TMEM178B: variants seen among roughly 807,000 people sequenced by gnomAD.
The protein encoded by TMEM178B is transmembrane protein 178B.
Under a neutral mutation model 31.0 loss-of-function variants are expected in TMEM178B, and 5 were observed. That is an observed-to-expected ratio of 0.16 (90% CI 0.08 to 0.34). TMEM178B has a LOEUF of 0.34. TMEM178B is among the 10% of genes least tolerant of loss of function. The pLI is 1.00. For missense variants in TMEM178B, 275 were observed against 400.3 expected, an observed-to-expected ratio of 0.69 and a Z score of 2.67; for synonymous variants, 164 against 164.0, an observed-to-expected ratio of 1.00 and a Z score of 0.00.
intron 1 of TMEM178B, among the ~76,000 whole-genome samples, chr7:141,125,628 C>A (rs1795479653): frequency 7.1e-6 from 1 of 141,354 alleles, no homozygotes. Flanking sequence ...TGCAGTGAGC[C>A]AAGATCATGC....
At chr7:141,097,089 CAAAA>C (rs113276063) in intron 1 of TMEM178B, among the ~76,000 whole-genome samples, 1 of 129,582 alleles carries the variant, frequency 7.7e-6, no homozygotes. Flanking sequence ...GAAGTTGTCT[CAAAA>C]AAAAAAAAAA....
intron 2 of TMEM178B, among the ~76,000 whole-genome samples, chr7:141,346,476 A>G (rs1799622298): frequency 6.6e-6 from 1 of 152,198 alleles, no homozygotes; most frequent in Admixed American, 6.5e-5. Flanking sequence ...ACCTACCTTC[A>G]GGGCTTGACT....
chr7:141,177,561 A>G (rs1182391310), intron 1 of TMEM178B, among the ~76,000 whole-genome samples: 1 of 152,064 alleles, frequency 6.6e-6, no homozygotes, highest in Non-Finnish European at 1.5e-5. Flanking sequence ...GTCTCCTACT[A>G]TTATTGTGTG....
chr7:141,296,333 G>A (rs1798633482), intron 2 of TMEM178B, among the ~76,000 whole-genome samples: 1 of 152,176 alleles, frequency 6.6e-6, no homozygotes, highest in Non-Finnish European at 1.5e-5. Flanking sequence ...CTCCCAAAGT[G>A]CTGGGATTAC....
intron 2 of TMEM178B, among the ~76,000 whole-genome samples, chr7:141,360,615 A>G (rs1163995500): frequency 6.6e-6 from 1 of 152,250 alleles, no homozygotes; most frequent in Admixed American, 6.5e-5. Context: ...CCAGCAGCCT[A>G]ATGTTTCTTT....
intron 1 of TMEM178B, among the ~76,000 whole-genome samples, chr7:141,129,397 A>T (rs1563095265): frequency 6.6e-6 from 1 of 152,204 alleles, no homozygotes; most frequent in Admixed American, 6.5e-5. Context: ...GGTATAAGCT[A>T]CATACAATAA....
intron 2 of TMEM178B, among the ~76,000 whole-genome samples, chr7:141,299,389 G>A (rs1472273966): frequency 3.3e-5 from 5 of 152,114 alleles, no homozygotes; most frequent in East Asian, 1.9e-4. Context: ...CATTAATGAC[G>A]GTAGTCTTTT....
Position 141,258,464 on chromosome 7 carries a change from A to G in TMEM178B, c.496+45760A>G, listed in dbSNP as rs144783464. The stretch of plus-strand genomic sequence containing the variant: ...GCTGCAGGTTGGACAAGCTTGGTTT[A>G]AATAATAAATCTTATGCCTTTTAAA... On this transcript the variant is annotated intron_variant, in intron 2 of 3. Coordinates refer to ENST00000565468, the MANE Select transcript of TMEM178B (RefSeq NM_001195278.2). Among the ~76,000 whole-genome samples, 979 of 151,566 alleles carry G rather than the reference A, an allele frequency of 6.5e-3. 3 individuals carry two copies. Among genetic ancestry groups the G allele is most frequent in the Non-Finnish European group, 9.4e-3 (634 of 67,728 alleles).
intron 1 of TMEM178B, among the ~76,000 whole-genome samples, chr7:141,176,372 G>A (rs561339820): frequency 1.2e-4 from 19 of 152,204 alleles, no homozygotes; most frequent in Non-Finnish European, 2.4e-4. Flanking sequence ...GTATTTTATT[G>A]AGGATTTTCA....
chr7:141,408,584 T>TC (rs1201195372), intron 2 of TMEM178B, among the ~76,000 whole-genome samples: 1 of 152,152 alleles, frequency 6.6e-6, no homozygotes, highest in East Asian at 1.9e-4. Context: ...GAGTTGTGGT[T>TC]CCTGCCCTGA....
chr7:141,286,969 G>A (rs974461948), intron 2 of TMEM178B, among the ~76,000 whole-genome samples: 3 of 152,266 alleles, frequency 2.0e-5, no homozygotes, highest in Admixed American at 1.3e-4. Context: ...TCCTTGACTC[G>A]CTTGTTTACT....
chr7:141,250,181 A>G (rs1470127357), intron 2 of TMEM178B, among the ~76,000 whole-genome samples: 15 of 152,210 alleles, frequency 9.9e-5, no homozygotes. Context: ...ATTATTAACT[A>G]GCTAGTTTTA....
chr7:141,125,994 G>A (rs2129177021), intron 1 of TMEM178B, among the ~76,000 whole-genome samples: 1 of 152,332 alleles, frequency 6.6e-6, no homozygotes, highest in Non-Finnish European at 1.5e-5. Flanking sequence ...GACACCACTG[G>A]CCTTTAATGC....
At chr7:141,097,291 C>T (rs1794976126) in intron 1 of TMEM178B, among the ~76,000 whole-genome samples, 1 of 145,522 alleles carries the variant, frequency 6.9e-6, no homozygotes, top group African/African-American at 2.5e-5. Context: ...ATGGCGTGAA[C>T]CCGGGAGGAG....
intron 2 of TMEM178B, among the ~76,000 whole-genome samples, chr7:141,307,312 T>C (rs1173278495): frequency 6.6e-6 from 1 of 152,260 alleles, no homozygotes; most frequent in Non-Finnish European, 1.5e-5. Context: ...AAGGATTAAC[T>C]ATCACTTTTG....
chr7:141,279,673 G>A (rs746428796), intron 2 of TMEM178B, among the ~76,000 whole-genome samples: 21 of 152,208 alleles, frequency 1.4e-4, no homozygotes, highest in Non-Finnish European at 2.6e-4. Context: ...AGGCTGCCCT[G>A]GGCCTCAGGT....
rs555662981 is a variant in TMEM178B, at chr7:141,082,979, T to C, written c.382+8287T>C. Among the ~76,000 whole-genome samples the C allele has an allele frequency of 5.4e-4, 83 of 152,364 alleles. 2 individuals carry two copies. The South Asian group carries it at 0.016, about 30-fold the overall frequency. ...CAATTAGAGGATCAATACTGTGTAT[T>C]CCACTTTGGATTGTCAGTTGAAAAC... On this transcript the variant is annotated intron_variant, in intron 1 of 3. Transcript: ENST00000565468.
chr7:141,219,335 C>T (rs954763971), intron 2 of TMEM178B, among the ~76,000 whole-genome samples: 18 of 152,192 alleles, frequency 1.2e-4, no homozygotes, highest in African/African-American at 4.1e-4. Flanking sequence ...ATGAGGTAAA[C>T]ATCCCAGACA....
intron 2 of TMEM178B, among the ~76,000 whole-genome samples, chr7:141,364,222 C>CA: frequency 6.6e-6 from 1 of 152,318 alleles, no homozygotes; most frequent in Non-Finnish European, 1.5e-5. Context: ...AGCAGTTCCC[C>CA]TTTCCTGCCC....
Sources: gnomAD v4.1 joint callset for allele counts (sites outside exome capture counted in the v4.1 genomes callset) on GRCh38, gnomAD v4.1.1 for gene constraint, MANE v1.5 for transcripts, NCBI Gene and HGNC (gene_info 2026-07-23, HGNC 2026-07-21) for gene names.